The following ADGRB3 variants were observed in gnomAD, a reference collection of about 807,000 sequenced individuals.
ADGRB3 encodes the protein brain-specific angiogenesis inhibitor 3.
Under a neutral mutation model 193.4 loss-of-function variants are expected in ADGRB3, and 37 were observed. The observed-to-expected ratio is 0.19, with a 90% CI of 0.15 to 0.25. The LOEUF is 0.25. ADGRB3 is among the 10% of genes least tolerant of loss of function. The pLI is 1.00. For missense variants in ADGRB3, 1,637 were observed against 1,852.9 expected (o/e 0.88, Z 2.14); for synonymous variants, 690 against 644.2 (o/e 1.07, Z -1.08).
intron 3 of ADGRB3, among the ~76,000 whole-genome samples, chr6:68,866,023 C>G (rs114545617): frequency 1.2e-3 from 181 of 152,268 alleles, no homozygotes; most frequent in African/African-American, 3.9e-3. Flanking sequence ...TCTTGAGACT[C>G]AGAGAACAAT....
chr6:68,649,506 A>G (rs1040444312), intron 3 of ADGRB3, among the ~76,000 whole-genome samples: 6 of 152,128 alleles, frequency 3.9e-5, no homozygotes, highest in Admixed American at 3.3e-4. Context: ...GCTTTCATTC[A>G]TTAGATTTTT....
chr6:69,322,840 G>T (rs762899874), intron 20 of ADGRB3, among the ~76,000 whole-genome samples: 31 of 151,892 alleles, frequency 2.0e-4, no homozygotes, highest in Non-Finnish European at 2.9e-4. Flanking sequence ...AGGATAAATA[G>T]TTTATCCAGC....
At chr6:68,793,099 G>A (rs567365377) in intron 3 of ADGRB3, among the ~76,000 whole-genome samples, 10 of 151,776 alleles carry the variant, frequency 6.6e-5, no homozygotes, top group South Asian at 4.2e-4. Flanking sequence ...TTCAGTTTGC[G>A]ATCCTGATAA....
chr6:69,330,953 C>A (rs1182774660), intron 23 of ADGRB3, among the ~76,000 whole-genome samples: 2 of 152,116 alleles, frequency 1.3e-5, no homozygotes, highest in Admixed American at 1.3e-4. Flanking sequence ...AGGGAAATCT[C>A]TTTAATGCTG....
intron 11 of ADGRB3, among the ~76,000 whole-genome samples, chr6:68,994,604 T>C (rs1443548236): frequency 2.0e-5 from 3 of 152,194 alleles, no homozygotes; most frequent in Non-Finnish European, 4.4e-5. Context: ...AAAACAAAGC[T>C]TATTGAATGG....
chr6:69,170,953 A>G (rs1299533671), intron 17 of ADGRB3, among the ~76,000 whole-genome samples: 1 of 152,220 alleles, frequency 6.6e-6, no homozygotes, highest in African/African-American at 2.4e-5. Context: ...AGCTACATAC[A>G]TAATTTGCAA....
chr6:68,641,723 T>C (rs1466573597), intron 3 of ADGRB3, among the ~76,000 whole-genome samples: 7 of 152,138 alleles, frequency 4.6e-5, no homozygotes, highest in Non-Finnish European at 1.5e-5. Context: ...ACAAAATACA[T>C]GTACCACTCT....
At chr6:68,816,820 T>G (rs191979674) in intron 3 of ADGRB3, among the ~76,000 whole-genome samples, 21 of 152,232 alleles carry the variant, frequency 1.4e-4, no homozygotes, top group African/African-American at 4.6e-4. Context: ...AGGAAATCTT[T>G]GTGCTTTTAA....
At chr6:68,737,169 A>G (rs569400885) in intron 3 of ADGRB3, among the ~76,000 whole-genome samples, 2 of 152,268 alleles carry the variant, frequency 1.3e-5, no homozygotes, top group East Asian at 3.9e-4. Context: ...ATTATTGCTC[A>G]TCAGTGGAGT....
chr6:69,371,373 G>A (rs1248764055), intron 29 of ADGRB3, among the ~76,000 whole-genome samples: 4 of 152,046 alleles, frequency 2.6e-5, no homozygotes, highest in African/African-American at 9.7e-5. Flanking sequence ...GCAGACTAGA[G>A]TCTGCTACCT....
At chr6:69,194,348 C>A (rs1450895580) in intron 17 of ADGRB3, among the ~76,000 whole-genome samples, 1 of 151,976 alleles carries the variant, frequency 6.6e-6, no homozygotes, top group Non-Finnish European at 1.5e-5. Context: ...GTGATACTGG[C>A]CAGGTTTATA....
At chr6:69,148,296 TTG>T (rs1774565053) in intron 17 of ADGRB3, among the ~76,000 whole-genome samples, 1 of 152,142 alleles carries the variant, frequency 6.6e-6, no homozygotes, top group Non-Finnish European at 1.5e-5. Flanking sequence ...TGTATATACA[TTG>T]TGTGTTTTTT....
intron 16 of ADGRB3, among the ~76,000 whole-genome samples, chr6:69,072,218 A>C (rs1198253109): frequency 6.6e-6 from 1 of 152,182 alleles, no homozygotes; most frequent in Non-Finnish European, 1.5e-5. Flanking sequence ...ACTAGAATAA[A>C]TGTTTATTGT....
At chr6:69,244,167 A>T (rs952139673) in intron 20 of ADGRB3, among the ~76,000 whole-genome samples, 10 of 152,058 alleles carry the variant, frequency 6.6e-5, no homozygotes, top group Admixed American at 1.3e-4. Flanking sequence ...CTTGCAAAAG[A>T]TACAAAAATT....
At chr6:69,311,168 G>A (rs1160455179) in intron 20 of ADGRB3, among the ~76,000 whole-genome samples, 2 of 151,648 alleles carry the variant, frequency 1.3e-5, no homozygotes, top group Non-Finnish European at 3.0e-5. Flanking sequence ...TTTGCTTCTC[G>A]CAATAGCATG....
rs1345170261 is a variant in ADGRB3, at chr6:68,745,298, C to T, written c.757+105866C>T. Among the ~76,000 whole-genome samples the T allele has an allele frequency of 2.0e-5, 3 of 152,184 alleles. No homozygotes were observed. In the East Asian group the frequency reaches 5.8e-4, roughly 29 times the overall value. ...AAGTAAATTCTGTCATAAGCAACAA[C>T]ATGGATGAAGCCTGAGGACATTATG... On this transcript the variant is annotated intron_variant, in intron 3 of 31. Coordinates refer to ENST00000370598, the MANE Select transcript of ADGRB3 (RefSeq NM_001704.3).
chr6:69,244,985 C>A (rs555134116), intron 20 of ADGRB3, among the ~76,000 whole-genome samples: 1 of 152,122 alleles, frequency 6.6e-6, no homozygotes, highest in South Asian at 2.1e-4. Context: ...ATTTCCTGCT[C>A]ACCACTAAAT....
chr6:69,388,596 C>A, intron 31 of ADGRB3, 107 bp from the exon 32 acceptor site: 1 of 1,105,958 alleles, frequency 9.0e-7, no homozygotes, highest in Non-Finnish European at 1.3e-6. Context: ...ATCTCTGCAT[C>A]ACAGAAACTG....
rs774674537 is a variant in ADGRB3, at chr6:69,339,366, C to G, written c.3321C>G (p.Pro1107=). Residue 1107 remains proline (P), a synonymous_variant, in exon 26 of 32, where the codon CCC becomes CCG. Coordinates refer to ENST00000370598, the MANE Select transcript of ADGRB3 (RefSeq NM_001704.3). ...ASLWSSCVVL[P]LLALTWMSAV... is the part of the protein sequence containing the mutation. ...TTTGGAGCTCCTGTGTGGTGTTGCC[C>G]CTTCTGGCTTTGACGTGGATGTCTG... The G allele has an allele frequency of 6.2e-7, 1 of 1,613,792 alleles. No homozygotes were observed. Among genetic ancestry groups the G allele is most frequent in the South Asian group, 1.1e-5 (1 of 91,072 alleles).
Sources: allele counts gnomAD v4.1 joint callset (sites outside exome capture counted in the v4.1 genomes callset), GRCh38; gene constraint gnomAD v4.1.1; transcripts MANE v1.5; gene names NCBI Gene and HGNC (gene_info 2026-07-23, HGNC 2026-07-21).